CPQ: variants seen among roughly 807,000 people sequenced by gnomAD.
CPQ encodes the protein Ser-Met dipeptidase.
In CPQ, 37 loss-of-function variants were observed where a neutral mutation model predicts 45.7. The ratio of observed to expected loss-of-function variants is 0.81; its 90% CI spans 0.62 to 1.07. The LOEUF is 1.07. Ranked by LOEUF, CPQ falls within the 50% of genes least tolerant of loss-of-function variation. The pLI is 0.00. For synonymous variants in CPQ, 186 were observed against 205.8 expected (o/e 0.90, Z 0.82); for missense variants, 537 against 572.9 (o/e 0.94, Z 0.64).
intron 1 of CPQ, among the ~76,000 whole-genome samples, chr8:96,645,782 A>G (rs1815511950): frequency 6.6e-6 from 1 of 151,142 alleles, no homozygotes; most frequent in Non-Finnish European, 1.5e-5. Flanking sequence ...TCTGCAAACA[A>G]TCCTGGTCCC....
intron 1 of CPQ, among the ~76,000 whole-genome samples, chr8:96,773,831 A>G (rs1471503261): frequency 6.6e-6 from 1 of 152,156 alleles, no homozygotes; most frequent in East Asian, 1.9e-4. Context: ...ACATCCTCAC[A>G]CATGGAAGGG....
chr8:96,671,674 A>G (rs1809006583), intron 1 of CPQ, among the ~76,000 whole-genome samples: 1 of 152,192 alleles, frequency 6.6e-6, no homozygotes, highest in Non-Finnish European at 1.5e-5. Flanking sequence ...TGAATGAAGG[A>G]TCATTTGAAA....
chr8:96,751,050 G>A (rs1810251611), intron 1 of CPQ, among the ~76,000 whole-genome samples: 1 of 152,084 alleles, frequency 6.6e-6, no homozygotes, highest in African/African-American at 2.4e-5. Flanking sequence ...TGGTCATTTG[G>A]GTTGATTCCA....
chr8:97,050,252 G>T (rs994514566), intron 6 of CPQ, among the ~76,000 whole-genome samples: 2 of 152,084 alleles, frequency 1.3e-5, no homozygotes, highest in Admixed American at 1.3e-4. Context: ...AATAATTATG[G>T]ACTGTAATTT....
intron 7 of CPQ, among the ~76,000 whole-genome samples, chr8:97,126,198 C>T (rs759147790): frequency 1.1e-4 from 16 of 152,144 alleles, no homozygotes; most frequent in Admixed American, 2.0e-4. Context: ...GCCCAGACCT[C>T]ACAACTGCAC....
intron 6 of CPQ, among the ~76,000 whole-genome samples, chr8:97,030,471 T>C (rs1809882214): frequency 6.6e-6 from 1 of 152,188 alleles, no homozygotes; most frequent in African/African-American, 2.4e-5. Context: ...AATTATTTAC[T>C]GTACAAAGGA....
chr8:97,005,486 G>A (rs111701457), intron 5 of CPQ, among the ~76,000 whole-genome samples: 4,383 of 152,002 alleles, frequency 0.029, 210 homozygotes, highest in African/African-American at 0.099. Context: ...ATAATTGCTT[G>A]AGCCCAGGAG....
At chr8:96,845,843 G>A (rs939597461) in intron 3 of CPQ, among the ~76,000 whole-genome samples, 11 of 151,956 alleles carry the variant, frequency 7.2e-5, no homozygotes, top group Admixed American at 1.3e-4. Context: ...TTTTTGAGAC[G>A]GAGTTTCACT....
chr8:96,927,006 A>G (rs1812900960), intron 4 of CPQ, among the ~76,000 whole-genome samples: 2 of 152,206 alleles, frequency 1.3e-5, no homozygotes, highest in Admixed American at 6.5e-5. Flanking sequence ...TGAAAGAGAA[A>G]ATGGGCGTAA....
At chr8:96,997,399 C>T (rs1809196406) in intron 5 of CPQ, among the ~76,000 whole-genome samples, 1 of 151,850 alleles carries the variant, frequency 6.6e-6, no homozygotes, top group Admixed American at 6.6e-5. Flanking sequence ...TGTAACATAG[C>T]CTATTCATTT....
chr8:96,678,046 C>A (rs1367720011), intron 1 of CPQ, among the ~76,000 whole-genome samples: 1 of 152,074 alleles, frequency 6.6e-6, no homozygotes, highest in African/African-American at 2.4e-5. Context: ...TATTTTTATA[C>A]CCCTACCCTG....
At chr8:96,882,322 C>G (rs1250891705) in intron 4 of CPQ, among the ~76,000 whole-genome samples, 1 of 152,206 alleles carries the variant, frequency 6.6e-6, no homozygotes, top group Non-Finnish European at 1.5e-5. Flanking sequence ...AGCCCCTTGT[C>G]CCTTTAAGAA....
chr8:96,687,443 T>G (rs529590243), intron 1 of CPQ, among the ~76,000 whole-genome samples: 228 of 152,212 alleles, frequency 1.5e-3, no homozygotes, highest in Middle Eastern at 0.014. Flanking sequence ...GAACTTCGCC[T>G]CATGATCTGC....
intron 4 of CPQ, among the ~76,000 whole-genome samples, chr8:96,916,382 T>C (rs1330600072): frequency 6.6e-6 from 1 of 152,188 alleles, no homozygotes; most frequent in African/African-American, 2.4e-5. Context: ...TTCTTTATTA[T>C]ACAACTTTAT....
rs149615310 is a variant in CPQ at position 97,115,530 on chromosome 8, C to A, written c.1256-27490C>A. 1.7e-3 allele frequency among the ~76,000 whole-genome samples: 259 copies of A among 152,256 alleles called. 1 individual carries two copies. Among genetic ancestry groups the A allele is most frequent in the African/African-American group, 6.2e-3 (256 of 41,536 alleles). ...GACTCAGGTATTCATGTTGTTGAAA[C>A]CAGACTTCATGGCAATTTGAAAACG... On this transcript the variant is annotated intron_variant, in intron 7 of 7. Transcript: ENST00000220763.
intron 1 of CPQ, among the ~76,000 whole-genome samples, chr8:96,767,174 G>A (rs934528610): frequency 1.2e-4 from 19 of 152,146 alleles, no homozygotes; most frequent in African/African-American, 4.3e-4. Context: ...GCGTTCTCTG[G>A]AGGGAAATCA....
chr8:96,727,584 G>C (rs1809859531), intron 1 of CPQ, among the ~76,000 whole-genome samples: 1 of 152,110 alleles, frequency 6.6e-6, no homozygotes, highest in African/African-American at 2.4e-5. Context: ...TCCCTAGCTT[G>C]CACCTACATG....
intron 3 of CPQ, among the ~76,000 whole-genome samples, chr8:96,870,683 AT>A (rs1812055982): frequency 1.3e-5 from 2 of 152,044 alleles, no homozygotes; most frequent in Admixed American, 1.3e-4. Flanking sequence ...AAATGAATTA[AT>A]GTGTGAAAAG....
chr8:96,857,018 G>T (rs1811860446), intron 3 of CPQ, among the ~76,000 whole-genome samples: 1 of 152,174 alleles, frequency 6.6e-6, no homozygotes, highest in African/African-American at 2.4e-5. Context: ...TGACCTGCTA[G>T]GGAAATTGTC....
Sources: gnomAD v4.1 joint callset for allele counts (sites outside exome capture counted in the v4.1 genomes callset) on GRCh38, gnomAD v4.1.1 for gene constraint, MANE v1.5 for transcripts, NCBI Gene and HGNC (gene_info 2026-07-23, HGNC 2026-07-21) for gene names.